Variants in HIVEP2 observed in about 807,000 individuals in gnomAD.
The protein encoded by HIVEP2 is HIVEP zinc finger 2.
Under a neutral mutation model 180.7 loss-of-function variants are expected in HIVEP2, and 14 were observed. That is an observed-to-expected ratio of 0.08 (90% CI 0.05 to 0.12). The LOEUF (loss-of-function observed/expected upper bound fraction) is 0.12, where lower values mean the gene tolerates loss of function less well. Among genes scored for constraint, HIVEP2 ranks in the 10% least tolerant of loss-of-function variants. HIVEP2 has a pLI of 1.00. For synonymous variants in HIVEP2, 1,184 were observed against 1,136.4 expected (o/e 1.04, Z -0.84); for missense variants, 2,579 against 3,008.5 (o/e 0.86, Z 3.34).
chr6:142,944,836 C>G (rs1778276532), intron 1 of HIVEP2: 1 of 152,494 alleles, frequency 6.6e-6, no homozygotes, highest in East Asian at 1.9e-4. Flanking sequence ...CGGCAGCGGC[C>G]AGAGCCGCTC....
chr6:142,754,015 C>G lies in HIVEP2; in HGVS notation c.6517-84G>C, dbSNP rs181752528. 1.1e-3 allele frequency: 767 copies of G among 682,706 alleles called. 7 individuals are homozygous for G. In the African/African-American group the frequency reaches 0.012, roughly 11 times the overall value. The allele number at this position is 682,706 out of a possible 1,614,324, so 42.3% of individuals were successfully genotyped here. A position where few individuals can be genotyped will look rare whatever the true frequency, so the allele number is the denominator to read the frequency against. Reference sequence around the variant, plus strand: ...TCAAGCTGTTGGATTCATTCACTCACCCATTCACACATTCACTACCTAGAG... The same window carrying G: ...TCAAGCTGTTGGATTCATTCACTCAGCCATTCACACATTCACTACCTAGAG... On this transcript the variant is annotated intron_variant, in intron 9 of 9. Coordinates refer to ENST00000367603, the MANE Select transcript of HIVEP2 (RefSeq NM_006734.4).
intron 2 of HIVEP2, among the ~76,000 whole-genome samples, chr6:142,792,270 T>C (rs1467761492): frequency 4.6e-5 from 7 of 152,096 alleles, no homozygotes; most frequent in Admixed American, 3.3e-4. Context: ...TGAAAAAGAA[T>C]AAAGATTAAG....
intron 1 of HIVEP2, among the ~76,000 whole-genome samples, chr6:142,891,721 C>T (rs1776865643): frequency 6.6e-6 from 1 of 152,194 alleles, no homozygotes; most frequent in Non-Finnish European, 1.5e-5. Flanking sequence ...TCACAGATAC[C>T]ACCTAGCTTT....
At chr6:142,815,470 A>G (rs1159775248) in intron 2 of HIVEP2, among the ~76,000 whole-genome samples, 2 of 152,232 alleles carry the variant, frequency 1.3e-5, no homozygotes, top group Non-Finnish European at 2.9e-5. Context: ...GAAATTGCCA[A>G]TTGATAGATC....
At chr6:142,768,594 T>G in intron 5 of HIVEP2, 58 bp from the exon 6 acceptor site, 1 of 1,534,526 alleles carries the variant, frequency 6.5e-7, no homozygotes. Context: ...CAGGAGCCCC[T>G]ATGTCCCACT....
intron 9 of HIVEP2, among the ~76,000 whole-genome samples, chr6:142,755,884 T>C (rs1191935309): frequency 2.0e-5 from 3 of 152,130 alleles, no homozygotes; most frequent in Non-Finnish European, 2.9e-5. Flanking sequence ...ACATCCTCTC[T>C]CCTCTCATTC....
chr6:142,770,047 T>C lies in HIVEP2; in HGVS notation c.4692A>G (p.Glu1564=), dbSNP rs369940815. 6.2e-7 allele frequency: 1 copy of C among 1,614,188 alleles called. No individual in the cohort carries two copies. The highest frequency in any genetic ancestry group is 8.5e-7 in the Non-Finnish European group (1 of 1,180,030). The change falls in exon 5 of 10, where the codon GAA becomes GAG. Residue 1564 remains glutamate (E), a synonymous_variant. Transcript: ENST00000367603. This position sits in a 1 kb window ranked among gnomAD's most constrained non-coding sequence, Gnocchi z 4.7. ...CATCGATATCTAATTCATCTGAAGA[T>C]TCTTTGCTTTCAGAAGGCCCACTGG... The part of the protein sequence containing the change: ...QKSSGPSESK[E]SSDELDIDET...
At chr6:142,793,628 C>CT (rs1369581672) in intron 2 of HIVEP2, among the ~76,000 whole-genome samples, 2 of 27,872 alleles carry the variant, frequency 7.2e-5, no homozygotes, top group Non-Finnish European at 1.4e-4. Context: ...CCTTCTCTTT[C>CT]TTTCTTTCTT....
intron 1 of HIVEP2, among the ~76,000 whole-genome samples, chr6:142,863,779 A>G (rs949623479): frequency 1.3e-5 from 2 of 152,200 alleles, no homozygotes; most frequent in African/African-American, 4.8e-5. Flanking sequence ...TCTCTCGGAC[A>G]GAGATTAGGA....
intron 1 of HIVEP2, among the ~76,000 whole-genome samples, chr6:142,880,722 A>C (rs1208384886): frequency 3.3e-5 from 5 of 152,140 alleles, no homozygotes; most frequent in Non-Finnish European, 5.9e-5. Context: ...TCTTTGATCA[A>C]GTCCCCAGGC....
intron 1 of HIVEP2, among the ~76,000 whole-genome samples, chr6:142,860,672 T>TCTGTGAGAATCTCATGCCACTGCTG (rs1270461597): frequency 1.3e-5 from 2 of 152,158 alleles, no homozygotes; most frequent in Non-Finnish European, 2.9e-5. Context: ...GGTTCACGCT[T>TCTGTGAGAATCTCATGCCACTGCTG]CTGTGAGAAT....
At position 142,910,728 on chromosome 6, in the gene HIVEP2, T is replaced by G. The variant is rs149170492; in HGVS notation, c.-641+34371A>C. Among the ~76,000 whole-genome samples, 3 of 152,354 alleles carry G rather than the reference T, an allele frequency of 2.0e-5. No homozygotes were observed. The East Asian group carries it at 5.8e-4, about 29-fold the overall frequency. ...AAGTACAGTCCATAGAAATGGTATC[T>G]TAATATATAAACCACTGTTTCTCAA... On this transcript the variant is annotated intron_variant, in intron 1 of 9. Transcript: ENST00000367603.
chr6:142,893,353 G>A (rs925142646), intron 1 of HIVEP2, among the ~76,000 whole-genome samples: 1 of 152,158 alleles, frequency 6.6e-6, no homozygotes, highest in Non-Finnish European at 1.5e-5. Context: ...CTTATCAGTT[G>A]CATTAGTATT....
intron 2 of HIVEP2, among the ~76,000 whole-genome samples, chr6:142,823,298 C>T (rs185340717): frequency 5.9e-5 from 9 of 152,304 alleles, no homozygotes; most frequent in African/African-American, 9.6e-5. Flanking sequence ...GAAAAATCCA[C>T]AGCACCTTTA....
chr6:142,904,806 C>T (rs985046384), intron 1 of HIVEP2, among the ~76,000 whole-genome samples: 9 of 152,058 alleles, frequency 5.9e-5, no homozygotes, highest in African/African-American at 1.7e-4. Flanking sequence ...TCATTTATCC[C>T]GAAGATCATT....
intron 1 of HIVEP2, among the ~76,000 whole-genome samples, chr6:142,853,730 G>A (rs1775749732): frequency 6.6e-6 from 1 of 152,182 alleles, no homozygotes; most frequent in Non-Finnish European, 1.5e-5. Flanking sequence ...AGAATAGCAA[G>A]ACACAGATGG....
chr6:142,916,272 G>A (rs866296612), intron 1 of HIVEP2, among the ~76,000 whole-genome samples: 1 of 152,202 alleles, frequency 6.6e-6, no homozygotes. Flanking sequence ...CATAGTCCAA[G>A]TAAATTTCAA....
At chr6:142,878,531 T>C (rs1482624726) in intron 1 of HIVEP2, among the ~76,000 whole-genome samples, 2 of 152,146 alleles carry the variant, frequency 1.3e-5, no homozygotes, top group African/African-American at 2.4e-5. Flanking sequence ...GTGCCGGCAG[T>C]GGTCAAAAGC....
At chr6:142,862,502 CAT>C (rs1378115884) in intron 1 of HIVEP2, among the ~76,000 whole-genome samples, 1 of 118,746 alleles carries the variant, frequency 8.4e-6, no homozygotes, top group Non-Finnish European at 1.6e-5. Flanking sequence ...TTATATGTAT[CAT>C]ATATTTTATA....
Sources: gnomAD v4.1 joint callset for allele counts (sites outside exome capture counted in the v4.1 genomes callset) on GRCh38, gnomAD v4.1.1 for gene constraint, Gnocchi (gnomAD v3.1) non-coding constraint, MANE v1.5 for transcripts, NCBI Gene and HGNC (gene_info 2026-07-23, HGNC 2026-07-21) for gene names.